Variants in TLE4 observed in about 807,000 individuals in gnomAD.
TLE4 encodes the protein TLE family member 4, transcriptional corepressor, also known as transducin-like enhancer protein 4.
A neutral mutation model predicts 92.8 loss-of-function variants in TLE4; 8 were observed. The ratio of observed to expected loss-of-function variants is 0.09; its 90% CI spans 0.05 to 0.16. The LOEUF is 0.16. TLE4 is among the 10% of genes least tolerant of loss of function. The pLI is 1.00. For synonymous variants in TLE4, 371 were observed against 374.1 expected (o/e 0.99, Z 0.10); for missense variants, 675 against 997.6 (o/e 0.68, Z 4.36).
chr9:79,614,159 A>T (rs970476423), intron 5 of TLE4, among the ~76,000 whole-genome samples: 1 of 152,114 alleles, frequency 6.6e-6, no homozygotes, highest in Non-Finnish European at 1.5e-5. Flanking sequence ...GCTCTGCTTT[A>T]TGGAGATGGA....
chr9:79,719,062 A>G, intron 15 of TLE4, 91 bp downstream of exon 15: 1 of 1,501,000 alleles, frequency 6.7e-7, no homozygotes, highest in Non-Finnish European at 8.9e-7. Flanking sequence ...AACACCACAC[A>G]GTATTGATCC....
chr9:79,677,934 G>A (rs3902072), intron 8 of TLE4, among the ~76,000 whole-genome samples: 80,102 of 151,864 alleles, frequency 0.53, 23,761 homozygotes, highest in East Asian at 0.7. Context: ...AGGTACTTCT[G>A]GCGTAATTTC....
chr9:79,705,090 T>C (rs1435333691), intron 9 of TLE4, among the ~76,000 whole-genome samples, 188 bp downstream of exon 9: 3 of 152,212 alleles, frequency 2.0e-5, no homozygotes, highest in African/African-American at 4.8e-5. Context: ...TACAGATGCA[T>C]GTGAGGATAG....
chr9:79,693,643 A>G (rs1588329588), intron 8 of TLE4: 1 of 518,200 alleles, frequency 1.9e-6, no homozygotes, highest in South Asian at 1.4e-5. Flanking sequence ...GAGAGAGACA[A>G]ACTCAACCAC....
At chr9:79,653,923 T>C in intron 7 of TLE4, 136 bp from the exon 8 acceptor site, 1 of 1,001,860 alleles carries the variant, frequency 1.0e-6, no homozygotes, top group Non-Finnish European at 1.6e-6. Flanking sequence ...TACAGCACAG[T>C]TGACATCTGT....
chr9:79,694,285 T>C (rs1357382753), intron 8 of TLE4, among the ~76,000 whole-genome samples: 1 of 152,236 alleles, frequency 6.6e-6, no homozygotes, highest in Non-Finnish European at 1.5e-5. Context: ...AATTTAGTTC[T>C]CTGACCTGTG....
rs59981294 is a variant in TLE4, at chr9:79,677,815, G to A, written c.609+23740G>A. Among the ~76,000 whole-genome samples the A allele has an allele frequency of 9.5e-3, 1,442 of 152,110 alleles. 19 individuals are homozygous for A. The highest frequency in any genetic ancestry group is 0.033 in the African/African-American group (1,377 of 41,508). On this transcript the variant is annotated intron_variant, in intron 8 of 19. Coordinates refer to ENST00000376552, the MANE Select transcript of TLE4 (RefSeq NM_007005.6). ...ACATCTATAAAAATGTGGTCAATTT[G>A]TGGATGCTCTTTTACTTATAGAATC...
At chr9:79,615,561 C>T (rs1363978766) in intron 5 of TLE4, among the ~76,000 whole-genome samples, 1 of 152,000 alleles carries the variant, frequency 6.6e-6, no homozygotes, top group Non-Finnish European at 1.5e-5. Context: ...GATGAAGTCT[C>T]TTTTTAATTT....
chr9:79,612,969 T>G (rs1232121524), intron 5 of TLE4, among the ~76,000 whole-genome samples: 1 of 152,170 alleles, frequency 6.6e-6, no homozygotes, highest in Non-Finnish European at 1.5e-5. Flanking sequence ...TTAAAATATT[T>G]TGCTATCTTT....
At chr9:79,586,721 T>G (rs2041204007) in intron 4 of TLE4, among the ~76,000 whole-genome samples, 1 of 152,226 alleles carries the variant, frequency 6.6e-6, no homozygotes. Context: ...TTTTGGAGTT[T>G]ATAAATCAAA....
chr9:79,725,946 C>T lies in TLE4; in HGVS notation c.*802C>T, dbSNP rs542802369. On this transcript the variant is annotated 3_prime_UTR_variant, in exon 20 of 20. Coordinates refer to ENST00000376552, the MANE Select transcript of TLE4 (RefSeq NM_007005.6). ...AATTTGGCCTCAAAGAGAGAACTTA[C>T]TCCCTTCTGGATATTTTTGCCACAT... is the stretch of plus-strand genomic sequence containing the variant. The T allele has an allele frequency of 3.0e-4, 46 of 152,688 alleles. No homozygotes were observed. Among genetic ancestry groups the T allele is most frequent in the African/African-American group, 1.1e-3 (46 of 41,554 alleles). 9.5% of individuals were successfully genotyped at this position (152,688 alleles called of 1,614,324 possible).
chr9:79,579,611 A>G (rs894336989), intron 4 of TLE4, among the ~76,000 whole-genome samples: 1 of 152,124 alleles, frequency 6.6e-6, no homozygotes, highest in Non-Finnish European at 1.5e-5. Context: ...TCTGAAAGTA[A>G]GTACTGCACA....
rs558652469 is a variant in TLE4 at position 79,725,813 on chromosome 9, G to A, written c.*669G>A. On this transcript the variant is annotated 3_prime_UTR_variant, in exon 20 of 20. Transcript: ENST00000376552. ...ATATCTATAGCTTTAGATTATATTC[G>A]ATAAAAGTAATTGGACTTTTTTTCT... is the stretch of plus-strand genomic sequence containing the variant. The A allele has an allele frequency of 1.4e-4, 22 of 152,634 alleles. No homozygotes were observed. In the East Asian group the frequency reaches 3.7e-3, roughly 25 times the overall value. The allele number at this position is 152,634 out of a possible 1,614,324, so 9.5% of individuals were successfully genotyped here. A position where few individuals can be genotyped will look rare whatever the true frequency, so the allele number is the denominator to read the frequency against.
chr9:79,723,110 G>A (rs2075891964), intron 19 of TLE4, 75 bp downstream of exon 19: 5 of 1,404,288 alleles, frequency 3.6e-6, no homozygotes, highest in Non-Finnish European at 5.0e-6. Context: ...GATTAATAAT[G>A]TGCAGAAGTG....
At chr9:79,591,171 G>A (rs1331787023) in intron 4 of TLE4, among the ~76,000 whole-genome samples, 2 of 152,202 alleles carry the variant, frequency 1.3e-5, no homozygotes, top group African/African-American at 4.8e-5. Flanking sequence ...ATAAAGCAGT[G>A]CAGTGGATAC....
rs147036235 is a variant in TLE4, at chr9:79,593,681, T to C, written c.252+17504T>C. ...TCACTCATGTTCCTACAGTTGTGCC[T>C]TAACTGCTGACCAGGCAGAGGCATC... On this transcript the variant is annotated intron_variant, in intron 4 of 19. Transcript: ENST00000376552. Among the ~76,000 whole-genome samples, 78 of 152,336 alleles carry C rather than the reference T, an allele frequency of 5.1e-4. No homozygotes were observed. In the East Asian group the frequency reaches 0.01, roughly 20 times the overall value.
intron 15 of TLE4, among the ~76,000 whole-genome samples, 196 bp from the exon 16 acceptor site, chr9:79,719,850 A>G (rs2075276259): frequency 6.6e-6 from 1 of 152,210 alleles, no homozygotes; most frequent in South Asian, 2.1e-4. Context: ...TCTCAGTACT[A>G]CATTTTGTAG....
In TLE4 at chr9:79,708,765, T is replaced by C. The variant is rs1360729671; in HGVS notation, c.1242T>C (p.Ala414=). 2 of 1,606,812 alleles carry C rather than the reference T, an allele frequency of 1.2e-6. No individual in the cohort carries two copies. The highest frequency in any genetic ancestry group is 1.7e-6 in the Non-Finnish European group (2 of 1,179,864). The change falls in exon 13 of 20, where the codon GCT becomes GCC. Residue 414 remains alanine, a synonymous_variant. Coordinates refer to ENST00000376552, the MANE Select transcript of TLE4 (RefSeq NM_007005.6). ...CTGCTGCCGCCGCCGCTGCTGCTGC[T>C]GCCTATGGGAGATCACCAGTGGTGC... ...SAAAAAAAAA[A]AYGRSPVVGF... is the part of the protein sequence containing the mutation.
At chr9:79,673,869 C>T (rs1337167767) in intron 8 of TLE4, among the ~76,000 whole-genome samples, 2 of 152,082 alleles carry the variant, frequency 1.3e-5, no homozygotes, top group East Asian at 3.9e-4. Context: ...TTTGCCCCGA[C>T]CCCTGGTCAG....
Sources: allele counts gnomAD v4.1 joint callset (sites outside exome capture counted in the v4.1 genomes callset), GRCh38; gene constraint gnomAD v4.1.1; transcripts MANE v1.5; gene names NCBI Gene and HGNC (gene_info 2026-07-23, HGNC 2026-07-21).